Variants in SPTBN5 observed in about 807,000 individuals in gnomAD.
SPTBN5 encodes the protein spectrin beta, non-erythrocytic 5.
SPTBN5 carries 513 observed loss-of-function variants against 477.6 expected under a neutral mutation model. The observed-to-expected ratio is 1.07, with a 90% CI of 1.00 to 1.16. The LOEUF (loss-of-function observed/expected upper bound fraction) is 1.16, where lower values mean the gene tolerates loss of function less well. Among genes scored for constraint, SPTBN5 ranks in the 50% most tolerant of loss-of-function variants. The probability of loss-of-function intolerance (pLI) is 0.00; values close to 1 mark genes in which losing one functional copy is unlikely to be tolerated. For missense variants in SPTBN5, 5,062 were observed against 4,731.8 expected (o/e 1.07, Z -2.05); for synonymous variants, 2,169 against 2,011.7 (o/e 1.08, Z -2.09).
chr15:41,849,344 C>CG (rs1284837812), intron 67 of SPTBN5, among the ~76,000 whole-genome samples: 1 of 152,162 alleles, frequency 6.6e-6, no homozygotes, highest in Non-Finnish European at 1.5e-5. Context: ...GCCTGCAGGC[C>CG]GGGACATGCT....
At chr15:41,856,294 T>G (rs575301006) in intron 53 of SPTBN5, 92 bp downstream of exon 53, 2 of 1,195,178 alleles carry the variant, frequency 1.7e-6, no homozygotes, top group African/African-American at 3.1e-5. Context: ...AGACGAAAGG[T>G]GCCCAGGCCA....
chr15:41,873,729 C>G (rs1054408868), intron 25 of SPTBN5, 116 bp downstream of exon 25: 3 of 1,488,982 alleles, frequency 2.0e-6, no homozygotes, highest in African/African-American at 2.8e-5. Flanking sequence ...GGGCACCCAT[C>G]AGCTCCCAGC....
intron 3 of SPTBN5, among the ~76,000 whole-genome samples, chr15:41,890,412 A>T (rs1490049772): frequency 6.6e-6 from 1 of 152,236 alleles, no homozygotes; most frequent in Non-Finnish European, 1.5e-5. Context: ...CCTCAAGCCC[A>T]CCTGGGTGAA....
At chr15:41,851,034 C>A in intron 65 of SPTBN5, 25 bp downstream of exon 65, 5 of 1,604,244 alleles carry the variant, frequency 3.1e-6, no homozygotes, top group Non-Finnish European at 4.3e-6. Flanking sequence ...GGGGGTGATG[C>A]CGGAGTCCAT....
rs2079723833 is a variant in SPTBN5 at position 41,852,914 on chromosome 15, GCT to G, written c.10255_10256del (p.Ser3419LeufsTer14). 1 of 1,603,154 alleles carries G rather than the reference GCT, an allele frequency of 6.2e-7. No individual in the cohort carries two copies. Among genetic ancestry groups the G allele is most frequent in the South Asian group, 1.1e-5 (1 of 90,362 alleles). On this transcript the variant is annotated frameshift_variant, in exon 60 of 68. Transcript: ENST00000320955. LOFTEE classifies it high-confidence loss of function. ...WALRWQRCAE[S>X]WGLQKLRQRL... ...TCTGCCGAAGCTTCTGCAGGCCCCAGCTCTCGGCACAGCGTTGCCAGCGCAGG... is the reference window on the plus strand; with the variant it reads ...TCTGCCGAAGCTTCTGCAGGCCCCAGCTCGGCACAGCGTTGCCAGCGCAGG...
intron 1 of SPTBN5, 52 bp from the exon 2 acceptor site, chr15:41,893,598 C>G: frequency 6.8e-7 from 1 of 1,480,610 alleles, no homozygotes; most frequent in Non-Finnish European, 9.0e-7. Context: ...GCCCCTCTAC[C>G]AGGGGCCTGG....
chr15:41,848,731 T>G (rs1328010361), intron 67 of SPTBN5, 103 bp from the exon 68 acceptor site: 2 of 1,371,554 alleles, frequency 1.5e-6, no homozygotes, highest in Admixed American at 3.4e-5. Context: ...CCAGCCAGCC[T>G]CCTAGAATAA....
At chr15:41,880,404 C>A (rs2066910173) in intron 13 of SPTBN5, 92 bp from the exon 14 acceptor site, 2 of 1,374,890 alleles carry the variant, frequency 1.5e-6, no homozygotes. Flanking sequence ...CCCATCCCAG[C>A]CCACCAGCAG....
chr15:41,881,311 C>CAGGTCTCAGGGCACGGAGGTAGG, intron 12 of SPTBN5, 77 bp from the exon 13 acceptor site: 1 of 1,266,996 alleles, frequency 7.9e-7, no homozygotes, highest in Non-Finnish European at 1.1e-6. Context: ...CCCCTACCTC[C>CAGGTCTCAGGGCACGGAGGTAGG]GTGCCCTGAG....
Position 41,878,442 on chromosome 15 carries a change from G to A in SPTBN5, c.3370C>T (p.Gln1124Ter). ...LLLWAESVQA[Q>*]LRSKEVSVDV... ...ACTGACACCTCCTTGCTGCGCAGCT[G>A]AGCCTGGACACTCTCTGCCCACAGT... Residue 1124 changes from glutamine to a stop codon, truncating the protein, a stop_gained, in exon 17 of 68, where the codon CAG (glutamine) becomes TAG (stop). Transcript: ENST00000320955. LOFTEE classifies it high-confidence loss of function. The A allele has an allele frequency of 6.2e-7, 1 of 1,613,698 alleles. No individual in the cohort carries two copies. Among genetic ancestry groups the A allele is most frequent in the African/African-American group, 1.3e-5 (1 of 75,058 alleles).
At position 41,887,288 on chromosome 15, in the gene SPTBN5, C is replaced by A; in HGVS notation, c.813G>T (p.Met271Ile). The change falls in exon 6 of 68, where the codon ATG becomes ATT. Residue 271 changes from methionine (M) to isoleucine (I), a missense_variant. Coordinates refer to ENST00000320955, the MANE Select transcript of SPTBN5 (RefSeq NM_016642.4). ...AAAQPDERSI[M>I]TYVSLYYHYC... Reference sequence around the variant, plus strand: ...AGTGGTAGTAGAGGGAGACGTAGGTCATGATAGAGCGCTCATCTGGCTGTG... The same window carrying A: ...AGTGGTAGTAGAGGGAGACGTAGGTAATGATAGAGCGCTCATCTGGCTGTG... 6.4e-7 allele frequency: 1 copy of A among 1,551,328 alleles called. No homozygotes were observed. The highest frequency in any genetic ancestry group is 1.2e-5 in the South Asian group (1 of 84,048).
intron 34 of SPTBN5, 77 bp downstream of exon 34, chr15:41,867,992 A>G: frequency 6.8e-7 from 1 of 1,480,440 alleles, no homozygotes. Context: ...AGGCAGGAGG[A>G]AAGGGACTGA....
At chr15:41,873,405 G>T in intron 26 of SPTBN5, 87 bp downstream of exon 26, 2 of 1,001,310 alleles carry the variant, frequency 2.0e-6, no homozygotes, top group Non-Finnish European at 3.0e-6. Context: ...AGGGCTCCGT[G>T]CCTCTGAGAG....
At chr15:41,859,019 C>T (rs763146633) in intron 47 of SPTBN5, 39 bp from the exon 48 acceptor site, 27 of 1,458,740 alleles carry the variant, frequency 1.9e-5, no homozygotes, top group Middle Eastern at 2.5e-4. Flanking sequence ...GAGCCACCCC[C>T]GGGGCCAGGT....
In SPTBN5 at chr15:41,855,560, C is replaced by T; in HGVS notation, c.9207G>A (p.Lys3069=). 1.2e-6 allele frequency: 2 copies of T among 1,609,926 alleles called. No individual in the cohort carries two copies. Among genetic ancestry groups the T allele is most frequent in the Admixed American group, 1.7e-5 (1 of 59,884 alleles). ...QQTAALLESR[K]NPESPKVLAQ... is the part of the protein sequence containing the mutation. The stretch of plus-strand genomic sequence containing the variant: ...TGGCTTCCGCCCACCTTTCTGGGTT[C>T]TTCCTGCTCTCCAGGAGTGCTGCTG... The change falls in exon 54 of 68, where the codon AAG becomes AAA. Residue 3069 remains lysine (K), a synonymous_variant. Transcript: ENST00000320955.
intron 64 of SPTBN5, 21 bp downstream of exon 64, chr15:41,851,262 C>T (rs2065750994): frequency 6.4e-7 from 1 of 1,551,556 alleles, no homozygotes; most frequent in African/African-American, 1.4e-5. Context: ...ATGTCTGCAT[C>T]TCCCCTACCC....
intron 47 of SPTBN5, among the ~76,000 whole-genome samples, chr15:41,860,175 G>A (rs893711582): frequency 1.3e-5 from 2 of 152,204 alleles, no homozygotes; most frequent in Non-Finnish European, 2.9e-5. Flanking sequence ...CCCAGGATGT[G>A]AGGCTCAGCT....
At position 41,857,278 on chromosome 15, in the gene SPTBN5, C is replaced by T. The variant is rs764066892; in HGVS notation, c.8581G>A (p.Ala2861Thr). The T allele has an allele frequency of 3.2e-6, 5 of 1,574,474 alleles. No homozygotes were observed. In the South Asian group the frequency reaches 5.8e-5, roughly 18 times the overall value. The change falls in exon 51 of 68, where the codon GCC becomes ACC. Residue 2861 changes from alanine (A) to threonine (T), a missense_variant. Physicochemically the swap from Ala to Thr is moderately conservative, Grantham distance 58. Transcript: ENST00000320955. ...QAFVREGHCLAQDVEEQARRL... is the reference protein window; with the variant it reads ...QAFVREGHCLTQDVEEQARRL... ...CGGGCCTGCTCTTCCACATCTTGGG[C>T]AAGGCAGTGGCCTTCCCTCACAAAG...
intron 29 of SPTBN5, 57 bp from the exon 30 acceptor site, chr15:41,870,617 T>C (rs1296641005): frequency 1.4e-6 from 2 of 1,440,372 alleles, no homozygotes; most frequent in African/African-American, 2.8e-5. Flanking sequence ...GTGTCATTCC[T>C]CCCTCCCGCT....
Sources: gnomAD v4.1 joint callset for allele counts (sites outside exome capture counted in the v4.1 genomes callset) on GRCh38, gnomAD v4.1.1 for gene constraint, MANE v1.5 for transcripts, NCBI Gene and HGNC (gene_info 2026-07-23, HGNC 2026-07-21) for gene names.